Variants in PDE12 observed in about 807,000 individuals in gnomAD.
The protein encoded by PDE12 is phosphodiesterase 12.
PDE12 carries 26 observed loss-of-function variants against 45.4 expected under a neutral mutation model. That is an observed-to-expected ratio of 0.57 (90% confidence interval 0.42 to 0.79). PDE12 has a LOEUF of 0.79. Among genes scored for constraint, PDE12 ranks in the 30% least tolerant of loss-of-function variants. PDE12 has a pLI of 0.00. For synonymous variants in PDE12, 283 were observed against 323.9 expected (o/e 0.87, Z 1.36); for missense variants, 668 against 790.0 (o/e 0.85, Z 1.85).
chr3:57,640,853 A>G, the PDE12 span, among the ~76,000 whole-genome samples: 1 of 152,094 alleles, frequency 6.6e-6, no homozygotes, highest in Admixed American at 6.6e-5. Context: ...TTAATGTACC[A>G]TTTAGTTGTC....
the PDE12 span, among the ~76,000 whole-genome samples, chr3:57,637,766 C>CAAAA: frequency 4.6e-5 from 5 of 109,428 alleles, no homozygotes; most frequent in African/African-American, 1.7e-4. Context: ...AATAAGACTT[C>CAAAA]AAAAAAAAAA....
At chr3:57,616,930 A>C in the PDE12 span, among the ~76,000 whole-genome samples, 1 of 152,304 alleles carries the variant, frequency 6.6e-6, no homozygotes, top group South Asian at 2.1e-4. Flanking sequence ...AGGCTAAGGC[A>C]GGAGAATTGC....
chr3:57,635,364 T>G, the PDE12 span, among the ~76,000 whole-genome samples: 1 of 152,152 alleles, frequency 6.6e-6, no homozygotes, highest in African/African-American at 2.4e-5. Context: ...GTTGAATAGC[T>G]TGTGTAGTAT....
At chr3:57,595,109 T>A in the PDE12 span, among the ~76,000 whole-genome samples, 129 of 152,346 alleles carry the variant, frequency 8.5e-4, no homozygotes, top group African/African-American at 3.0e-3. Flanking sequence ...TCTCTCCCAT[T>A]TTCTTCGAAT....
chr3:57,577,480 A>G, the PDE12 span: 10 of 928,904 alleles, frequency 1.1e-5, no homozygotes, highest in Non-Finnish European at 1.5e-5. Context: ...ATGGTTAGAC[A>G]TTAGGAAGAA....
the PDE12 span, chr3:57,597,704 G>C: frequency 1.3e-5 from 2 of 153,464 alleles, no homozygotes; most frequent in Non-Finnish European, 2.9e-5. Context: ...GGTATTGTCG[G>C]GGTGATAGTC....
downstream of PDE12, among the ~76,000 whole-genome samples, chr3:57,567,294 A>T (rs1377891400): frequency 6.6e-6 from 1 of 151,878 alleles, no homozygotes; most frequent in East Asian, 1.9e-4. Flanking sequence ...CCTGGGTGAC[A>T]GAGCACGACT....
At chr3:57,591,889 C>T in the PDE12 span, among the ~76,000 whole-genome samples, 11 of 151,974 alleles carry the variant, frequency 7.2e-5, no homozygotes, top group Non-Finnish European at 1.3e-4. Context: ...AAACAGATTA[C>T]GGGCTGGGAA....
At chr3:57,639,679 G>C in the PDE12 span, among the ~76,000 whole-genome samples, 1 of 152,246 alleles carries the variant, frequency 6.6e-6, no homozygotes, top group South Asian at 2.1e-4. Flanking sequence ...ATCAGGCACT[G>C]TGTTTAATCC....
chr3:57,624,862 A>G, the PDE12 span, among the ~76,000 whole-genome samples: 1 of 152,232 alleles, frequency 6.6e-6, no homozygotes, highest in Non-Finnish European at 1.5e-5. Context: ...AAAAGGTAGC[A>G]AATGAAGGAG....
chr3:57,569,660 ACTTT>A (rs1343632886), downstream of PDE12, among the ~76,000 whole-genome samples: 2 of 151,598 alleles, frequency 1.3e-5, no homozygotes, highest in African/African-American at 4.9e-5. Context: ...CCAGCCTAAT[ACTTT>A]CTTTAAAAAC....
chr3:57,603,039 C>T, the PDE12 span, among the ~76,000 whole-genome samples: 8 of 151,730 alleles, frequency 5.3e-5, no homozygotes, highest in Non-Finnish European at 8.8e-5. Flanking sequence ...TGGTGGCGGG[C>T]GCCTGTAATC....
chr3:57,577,069 C>A, the PDE12 span, among the ~76,000 whole-genome samples: 12 of 145,254 alleles, frequency 8.3e-5, no homozygotes, highest in African/African-American at 1.1e-4. Flanking sequence ...AAAAAAAAAA[C>A]AACACTGCTC....
downstream of PDE12, chr3:57,571,494 A>C (rs552513739): frequency 5.9e-5 from 9 of 152,764 alleles, no homozygotes; most frequent in South Asian, 1.9e-3. Context: ...CATCAGCAGA[A>C]CTATCATATA....
chr3:57,632,170 C>T, the PDE12 span, among the ~76,000 whole-genome samples: 1 of 150,356 alleles, frequency 6.7e-6, no homozygotes, highest in African/African-American at 2.5e-5. Context: ...CAGGTGCGTG[C>T]CACCATGCCT....
At chr3:57,638,574 C>T in the PDE12 span, among the ~76,000 whole-genome samples, 1 of 152,014 alleles carries the variant, frequency 6.6e-6, no homozygotes, top group Non-Finnish European at 1.5e-5. Context: ...AGGAGAATTG[C>T]TTGAACCCGG....
the PDE12 span, among the ~76,000 whole-genome samples, chr3:57,591,570 G>A: frequency 6.6e-6 from 1 of 151,828 alleles, no homozygotes; most frequent in Admixed American, 6.6e-5. Context: ...GGGTTCAAGG[G>A]ATTCTCGTGC....
chr3:57,583,816 C>A, the PDE12 span: 1 of 944,312 alleles, frequency 1.1e-6, no homozygotes, highest in Non-Finnish European at 1.7e-6. Flanking sequence ...CACCAATATC[C>A]AAGTAAATAC....
chr3:57,618,617 T>TTTTTG, the PDE12 span, among the ~76,000 whole-genome samples: 2 of 126,940 alleles, frequency 1.6e-5, no homozygotes, highest in East Asian at 3.3e-4. Context: ...GTTTTTTTTT[T>TTTTTG]TTTTTTTTTT....
Sources: gnomAD v4.1 joint callset for allele counts (sites outside exome capture counted in the v4.1 genomes callset) on GRCh38, gnomAD v4.1.1 for gene constraint, MANE v1.5 for transcripts, NCBI Gene and HGNC (gene_info 2026-07-23, HGNC 2026-07-21) for gene names.